CDH11: variants seen among roughly 807,000 people sequenced by gnomAD.
CDH11 encodes cadherin 11, also known as cadherin-11.
Under a neutral mutation model 67.8 loss-of-function variants are expected in CDH11, and 11 were observed. The observed-to-expected ratio is 0.16, with a 90% confidence interval of 0.10 to 0.27. The LOEUF (loss-of-function observed/expected upper bound fraction) is 0.27. Ranked by LOEUF, CDH11 falls within the 10% of genes least tolerant of loss-of-function variation. The pLI, the probability that CDH11 is intolerant of heterozygous loss-of-function variation, is 1.00. For missense variants in CDH11, 847 were observed against 1,031.2 expected (o/e 0.82, Z 2.45); for synonymous variants, 419 against 400.0 (o/e 1.05, Z -0.57).
In CDH11 at chr16:65,050,006, T is replaced by G. The variant is rs113907129; in HGVS notation, c.-173+3798A>C. Among the ~76,000 whole-genome samples the G allele has an allele frequency of 3.0e-4, 46 of 152,236 alleles. No homozygotes were observed. The Middle Eastern group carries it at 0.02, about 68-fold the overall frequency. The stretch of plus-strand genomic sequence containing the variant: ...CTGCCCCAGAAGCAGCTTTCTGGGA[T>G]TCACTCCTATGCAAATGAAAGATAA... On this transcript the variant is annotated intron_variant, in intron 2 of 12. Coordinates refer to ENST00000268603, the MANE Select transcript of CDH11 (RefSeq NM_001797.4).
intron 11 of CDH11, chr16:64,968,561 T>G: frequency 1.0e-6 from 1 of 985,330 alleles, no homozygotes; most frequent in Non-Finnish European, 1.2e-6. Flanking sequence ...GAGTCGGCTT[T>G]GAAGCTCGGG....
chr16:65,120,919 A>T (rs1321145950), intron 1 of CDH11, among the ~76,000 whole-genome samples: 1 of 151,356 alleles, frequency 6.6e-6, no homozygotes, highest in Non-Finnish European at 1.5e-5. Flanking sequence ...GGGAGGGGGG[A>T]GAAGGGAGCT....
chr16:65,047,402 G>A (rs928783300), intron 2 of CDH11, among the ~76,000 whole-genome samples: 7 of 151,454 alleles, frequency 4.6e-5, no homozygotes, highest in Admixed American at 6.6e-5. Flanking sequence ...CCAGGTTGGA[G>A]TGCAGTTGGT....
intron 4 of CDH11, among the ~76,000 whole-genome samples, chr16:64,995,495 G>A (rs1204714924): frequency 6.6e-6 from 1 of 152,166 alleles, no homozygotes; most frequent in African/African-American, 2.4e-5. Context: ...AATGAGGAAA[G>A]TACTCCTTAA....
chr16:65,057,011 G>GA (rs954968312), intron 1 of CDH11, among the ~76,000 whole-genome samples: 4 of 151,900 alleles, frequency 2.6e-5, no homozygotes, highest in Admixed American at 6.6e-5. Flanking sequence ...TGGATTCTGT[G>GA]AAAAAAACTG....
chr16:65,040,621 G>C (rs1022055903), intron 2 of CDH11, among the ~76,000 whole-genome samples: 1 of 152,098 alleles, frequency 6.6e-6, no homozygotes, highest in Non-Finnish European at 1.5e-5. Context: ...ATGAGTTAAT[G>C]GGTGCAGCAC....
intron 11 of CDH11, among the ~76,000 whole-genome samples, chr16:64,965,216 A>AG: frequency 7.1e-6 from 1 of 140,294 alleles, no homozygotes; most frequent in Non-Finnish European, 1.6e-5. Context: ...AAAAAAAAAA[A>AG]AAAAAAAAAA....
chr16:65,004,092 C>T (rs868862765), intron 3 of CDH11, among the ~76,000 whole-genome samples: 3 of 152,148 alleles, frequency 2.0e-5, no homozygotes, highest in Non-Finnish European at 2.9e-5. Context: ...TTGAGCCTGG[C>T]GTAGTGGCTC....
intron 2 of CDH11, among the ~76,000 whole-genome samples, chr16:65,021,601 G>T (rs2142579133): frequency 7.0e-6 from 1 of 142,662 alleles, no homozygotes; most frequent in Non-Finnish European, 1.5e-5. Context: ...AGTTATCCAT[G>T]TTTAATTAAG....
chr16:64,982,399 A>G (rs903909150), intron 7 of CDH11, 98 bp from the exon 8 acceptor site: 45 of 913,466 alleles, frequency 4.9e-5, no homozygotes, highest in Non-Finnish European at 6.6e-5. Context: ...ATATTCCTCA[A>G]AGAGAGAAAA....
At chr16:65,103,101 C>T (rs1017278295) in intron 1 of CDH11, among the ~76,000 whole-genome samples, 34 of 152,282 alleles carry the variant, frequency 2.2e-4, no homozygotes, top group African/African-American at 8.2e-4. Context: ...GGCACACCTC[C>T]TGGGTGCTCA....
intron 1 of CDH11, among the ~76,000 whole-genome samples, chr16:65,085,970 A>G (rs897428108): frequency 6.6e-5 from 10 of 152,222 alleles, no homozygotes; most frequent in African/African-American, 2.2e-4. Context: ...GATTCAACTC[A>G]ACTAGCTTTA....
At chr16:65,013,139 T>G (rs2073216674) in intron 2 of CDH11, among the ~76,000 whole-genome samples, 1 of 152,160 alleles carries the variant, frequency 6.6e-6, no homozygotes, top group African/African-American at 2.4e-5. Context: ...TTTCATCTCA[T>G]TTTGAAGGTC....
chr16:65,102,703 T>G (rs1290574839), intron 1 of CDH11, among the ~76,000 whole-genome samples: 3 of 152,206 alleles, frequency 2.0e-5, no homozygotes, highest in African/African-American at 7.2e-5. Context: ...TTAGAGACAC[T>G]GAAGCTTGTG....
chr16:65,096,299 T>A (rs982746719), intron 1 of CDH11, among the ~76,000 whole-genome samples: 1 of 152,054 alleles, frequency 6.6e-6, no homozygotes, highest in African/African-American at 2.4e-5. Context: ...ACAATAAATT[T>A]CTGTTCTTTA....
intron 1 of CDH11, among the ~76,000 whole-genome samples, chr16:65,115,378 T>C (rs1333953943): frequency 6.6e-6 from 1 of 152,066 alleles, no homozygotes; most frequent in African/African-American, 2.4e-5. Flanking sequence ...GGCCTCAATC[T>C]AAAACAAATG....
Position 64,945,816 on chromosome 16 carries a change from G to A in CDH11, c.*1787C>T. ...AGTACATAACATGATATCAAGAAAT[G>A]CTTGAAACAAACTTTCACAATAAAG... is the stretch of plus-strand genomic sequence containing the variant. On this transcript the variant is annotated 3_prime_UTR_variant, in exon 13 of 13. Transcript: ENST00000268603. 9.5e-7 allele frequency: 1 copy of A among 1,049,204 alleles called. No individual in the cohort carries two copies. The highest frequency in any genetic ancestry group is 1.2e-6 in the Non-Finnish European group (1 of 869,134). 65.0% of individuals were successfully genotyped at this position (1,049,204 alleles called of 1,614,324 possible). A position where few individuals can be genotyped will look rare whatever the true frequency, so the allele number is the denominator to read the frequency against.
chr16:65,093,349 A>G (rs181940558), intron 1 of CDH11, among the ~76,000 whole-genome samples: 1 of 151,802 alleles, frequency 6.6e-6, no homozygotes, highest in East Asian at 1.9e-4. Flanking sequence ...AGGCATGCAA[A>G]CAATGAGGCT....
intron 2 of CDH11, among the ~76,000 whole-genome samples, chr16:65,010,093 A>G (rs2073145078): frequency 6.6e-6 from 1 of 152,234 alleles, no homozygotes; most frequent in African/African-American, 2.4e-5. Context: ...CCCTCCCCAC[A>G]GAGCTGGAAG....
Sources: gnomAD v4.1 joint callset for allele counts (sites outside exome capture counted in the v4.1 genomes callset) on GRCh38, gnomAD v4.1.1 for gene constraint, MANE v1.5 for transcripts, NCBI Gene and HGNC (gene_info 2026-07-23, HGNC 2026-07-21) for gene names.